Variants in CADPS2 observed in about 807,000 individuals in gnomAD.
CADPS2 encodes calcium-dependent secretion activator 2.
A neutral mutation model predicts 172.5 loss-of-function variants in CADPS2; 93 were observed. The observed-to-expected ratio is 0.54, with a 90% CI of 0.46 to 0.64. The LOEUF (loss-of-function observed/expected upper bound fraction) is 0.64. Ranked by LOEUF, CADPS2 falls within the 30% of genes least tolerant of loss-of-function variation. CADPS2 has a pLI of 0.00. For missense variants in CADPS2, 1,420 were observed against 1,565.9 expected, an observed-to-expected ratio of 0.91 and a Z score of 1.57; for synonymous variants, 546 against 555.2, an observed-to-expected ratio of 0.98 and a Z score of 0.23.
intron 1 of CADPS2, among the ~76,000 whole-genome samples, chr7:122,752,872 C>A (rs1041701663): frequency 6.6e-6 from 1 of 151,920 alleles, no homozygotes; most frequent in Non-Finnish European, 1.5e-5. Context: ...AGAAATTGAG[C>A]GGGGCACATA....
At position 122,831,795 on chromosome 7, in the gene CADPS2, C is replaced by T. The variant is rs1696313958; in HGVS notation, c.339+54204G>A. On this transcript the variant is annotated intron_variant, in intron 1 of 29. Coordinates refer to ENST00000449022, the MANE Select transcript of CADPS2 (RefSeq NM_017954.11). Reference sequence around the variant, plus strand: ...CACTGAGATGGCTACTGCAGCTCCACTCTCAAATATAACAATGAAAGACTG... The same window carrying T: ...CACTGAGATGGCTACTGCAGCTCCATTCTCAAATATAACAATGAAAGACTG... 2.6e-5 allele frequency among the ~76,000 whole-genome samples: 4 copies of T among 152,172 alleles called. No homozygotes were observed. In the East Asian group the frequency reaches 5.8e-4, roughly 22 times the overall value.
At chr7:122,402,502 T>C (rs945614199) in intron 20 of CADPS2, among the ~76,000 whole-genome samples, 6 of 152,160 alleles carry the variant, frequency 3.9e-5, no homozygotes, top group Non-Finnish European at 8.8e-5. Context: ...GATAAAAAAC[T>C]ATTTTTAAAC....
intron 20 of CADPS2, among the ~76,000 whole-genome samples, chr7:122,395,098 T>C (rs1235634072): frequency 6.6e-6 from 1 of 152,230 alleles, no homozygotes; most frequent in Admixed American, 6.5e-5. Flanking sequence ...CATTATCTTC[T>C]TCAGAGCAAA....
intron 2 of CADPS2, among the ~76,000 whole-genome samples, chr7:122,674,289 T>A (rs990159868): frequency 2.2e-4 from 33 of 152,064 alleles, no homozygotes; most frequent in African/African-American, 7.7e-4. Flanking sequence ...AGCGCAGCGG[T>A]GGGCTGAAGG....
intron 3 of CADPS2, among the ~76,000 whole-genome samples, chr7:122,634,490 T>C (rs1317547411): frequency 3.3e-5 from 5 of 152,204 alleles, no homozygotes; most frequent in African/African-American, 1.2e-4. Flanking sequence ...TGAGGATCTT[T>C]TTTTATATTT....
intron 7 of CADPS2, among the ~76,000 whole-genome samples, chr7:122,579,625 AGT>A (rs888634029): frequency 6.6e-6 from 1 of 151,624 alleles, no homozygotes; most frequent in African/African-American, 2.4e-5. Context: ...CAATAAGAAA[AGT>A]AACATTAATT....
In CADPS2 at chr7:122,708,514, A is replaced by T. The variant is rs575386833; in HGVS notation, c.453+28441T>A. Among the ~76,000 whole-genome samples, 27 of 124,514 alleles carry T rather than the reference A, an allele frequency of 2.2e-4. No individual in the cohort carries two copies. The South Asian group carries it at 7.3e-3, about 34-fold the overall frequency. The allele number at this position is 124,514 out of a possible 152,430, so 81.7% of individuals were successfully genotyped here. ...GGATATGTAGATCCAAACATATTGTATTCGAGATATATATATATATATATA... is the reference window on the plus strand; with the variant it reads ...GGATATGTAGATCCAAACATATTGTTTTCGAGATATATATATATATATATA... On this transcript the variant is annotated intron_variant, in intron 2 of 29. Coordinates refer to ENST00000449022, the MANE Select transcript of CADPS2 (RefSeq NM_017954.11).
At chr7:122,557,959 G>C (rs2065241171) in intron 7 of CADPS2, among the ~76,000 whole-genome samples, 1 of 152,068 alleles carries the variant, frequency 6.6e-6, no homozygotes, top group Non-Finnish European at 1.5e-5. Context: ...TTATTCCACT[G>C]CCAGCCAAGT....
At chr7:122,578,298 G>C (rs1162959258) in intron 7 of CADPS2, among the ~76,000 whole-genome samples, 1 of 152,000 alleles carries the variant, frequency 6.6e-6, no homozygotes, top group Non-Finnish European at 1.5e-5. Flanking sequence ...TTGTGTGTGT[G>C]CACATGTGTG....
chr7:122,409,645 C>T lies in CADPS2; in HGVS notation c.2590-1949G>A, dbSNP rs1390474220. On this transcript the variant is annotated intron_variant, in intron 19 of 29. Transcript: ENST00000449022. ...TTCTCCTAATGATGGCTAAATAACG[C>T]TTTAAGCAATCACTGTCTTTGAAAA... is the stretch of plus-strand genomic sequence containing the variant. 4 of 470,814 alleles carry T rather than the reference C, an allele frequency of 8.5e-6. No homozygotes were observed. In the East Asian group the frequency reaches 2.8e-4, roughly 33 times the overall value. The allele number at this position is 470,814 out of a possible 1,614,324, so 29.2% of individuals were successfully genotyped here.
intron 7 of CADPS2, among the ~76,000 whole-genome samples, chr7:122,580,811 A>AT (rs2068711925): frequency 2.0e-5 from 3 of 152,172 alleles, no homozygotes; most frequent in Admixed American, 2.0e-4. Context: ...GATTTCAAAT[A>AT]TAAAGATGAT....
chr7:122,468,977 C>A (rs2055536375), intron 14 of CADPS2, among the ~76,000 whole-genome samples: 1 of 152,110 alleles, frequency 6.6e-6, no homozygotes, highest in Non-Finnish European at 1.5e-5. Flanking sequence ...ACCAGAGATA[C>A]CTGAATGTGT....
chr7:122,714,834 T>C (rs6951562), intron 2 of CADPS2, among the ~76,000 whole-genome samples: 1 of 152,162 alleles, frequency 6.6e-6, no homozygotes, highest in Non-Finnish European at 1.5e-5. Context: ...TAACATTTGG[T>C]GTTTAGCACT....
At chr7:122,560,355 CGT>C (rs953238422) in intron 7 of CADPS2, among the ~76,000 whole-genome samples, 2 of 152,100 alleles carry the variant, frequency 1.3e-5, no homozygotes, top group Admixed American at 6.6e-5. Context: ...TTTTGCTAAG[CGT>C]GTGTTATCCT....
At chr7:122,622,562 T>C (rs952584015) in intron 4 of CADPS2, among the ~76,000 whole-genome samples, 15 of 152,214 alleles carry the variant, frequency 9.9e-5, no homozygotes, top group Non-Finnish European at 1.9e-4. Context: ...TAAATTTATA[T>C]TCCCCAGAAC....
intron 1 of CADPS2, among the ~76,000 whole-genome samples, chr7:122,776,263 G>A (rs529139983): frequency 6.6e-6 from 1 of 152,148 alleles, no homozygotes; most frequent in South Asian, 2.1e-4. Context: ...ATAAAGGGCA[G>A]ATCCCCTACA....
chr7:122,802,420 G>C lies in CADPS2; in HGVS notation c.340-65352C>G, dbSNP rs558361757. On this transcript the variant is annotated intron_variant, in intron 1 of 29. Coordinates refer to ENST00000449022, the MANE Select transcript of CADPS2 (RefSeq NM_017954.11). ...TGTGTACCTCCACTCTTCGGTAATC[G>C]CTGGTCAGTCTCACTCATTGGATCT... Among the ~76,000 whole-genome samples the C allele has an allele frequency of 9.9e-5, 15 of 152,206 alleles. 1 individual carries two copies. Among genetic ancestry groups the C allele is most frequent in the South Asian group, 6.2e-4 (3 of 4,830 alleles).
chr7:122,421,529 C>A (rs572342359), intron 17 of CADPS2, among the ~76,000 whole-genome samples: 160 of 152,310 alleles, frequency 1.1e-3, no homozygotes, highest in African/African-American at 3.6e-3. Flanking sequence ...GGTTTTTAAA[C>A]TCCTCAGATT....
At chr7:122,429,296 A>G (rs2049581029) in intron 17 of CADPS2, among the ~76,000 whole-genome samples, 1 of 149,884 alleles carries the variant, frequency 6.7e-6, no homozygotes, top group Non-Finnish European at 1.5e-5. Context: ...ATATATCACA[A>G]AACTAAGTTT....
Sources: allele counts gnomAD v4.1 joint callset (sites outside exome capture counted in the v4.1 genomes callset), GRCh38; gene constraint gnomAD v4.1.1; transcripts MANE v1.5; gene names NCBI Gene and HGNC (gene_info 2026-07-23, HGNC 2026-07-21).